NCKAP5: variants seen among roughly 807,000 people sequenced by gnomAD.
The protein encoded by NCKAP5 is nck-associated protein 5.
Under a neutral mutation model 167.0 loss-of-function variants are expected in NCKAP5, and 92 were observed. That is an observed-to-expected ratio of 0.55 (90% CI 0.47 to 0.66). NCKAP5 has a LOEUF of 0.66. NCKAP5 is among the 30% of genes least tolerant of loss of function. The pLI, the probability that NCKAP5 is intolerant of heterozygous loss-of-function variation, is 0.00. For synonymous variants in NCKAP5, 891 were observed against 877.4 expected (o/e 1.02, Z -0.27); for missense variants, 2,378 against 2,315.0 (o/e 1.03, Z -0.56).
chr2:133,548,539 A>T (rs1575140653), intron 2 of NCKAP5, among the ~76,000 whole-genome samples: 1 of 151,876 alleles, frequency 6.6e-6, no homozygotes, highest in Admixed American at 6.6e-5. Flanking sequence ...CTCGGCAGAA[A>T]CCCTACAAGC....
intron 3 of NCKAP5, among the ~76,000 whole-genome samples, chr2:133,449,305 C>A (rs1232203971): frequency 2.6e-5 from 4 of 152,150 alleles, no homozygotes; most frequent in Non-Finnish European, 5.9e-5. Flanking sequence ...GCCCCTAGTT[C>A]TTAGTCCTTT....
At chr2:133,070,213 T>C (rs1376174954) in intron 6 of NCKAP5, among the ~76,000 whole-genome samples, 1 of 152,068 alleles carries the variant, frequency 6.6e-6, no homozygotes, top group Non-Finnish European at 1.5e-5. Flanking sequence ...TAATGAAAAA[T>C]AGTATTAGAA....
the NCKAP5 span, among the ~76,000 whole-genome samples, chr2:133,654,709 A>G: frequency 6.6e-6 from 1 of 152,220 alleles, no homozygotes; most frequent in Admixed American, 6.5e-5. Context: ...GTTGGTACTT[A>G]ATAGTTTTTG....
At chr2:133,673,448 C>T in the NCKAP5 span, among the ~76,000 whole-genome samples, 5 of 152,312 alleles carry the variant, frequency 3.3e-5, 1 homozygote, top group South Asian at 1.0e-3. Context: ...TTCATAAACA[C>T]AGCCCACCAA....
intron 6 of NCKAP5, among the ~76,000 whole-genome samples, chr2:133,052,219 A>T (rs763273245): frequency 2.6e-5 from 4 of 152,212 alleles, no homozygotes; most frequent in African/African-American, 4.8e-5. Flanking sequence ...CCTCTGTGCC[A>T]TCTACAGTAG....
At chr2:133,418,858 T>C (rs1317785289) in intron 3 of NCKAP5, among the ~76,000 whole-genome samples, 7 of 152,130 alleles carry the variant, frequency 4.6e-5, no homozygotes, top group Admixed American at 4.6e-4. Context: ...TTCAACACAG[T>C]GATAAAGTGA....
At chr2:133,187,392 C>A (rs1193003409) in intron 5 of NCKAP5, among the ~76,000 whole-genome samples, 5 of 151,892 alleles carry the variant, frequency 3.3e-5, no homozygotes, top group Non-Finnish European at 7.4e-5. Flanking sequence ...CATTTATAAT[C>A]ACACAAAAAA....
chr2:133,542,479 C>A (rs1215569725), intron 2 of NCKAP5, among the ~76,000 whole-genome samples: 1 of 152,182 alleles, frequency 6.6e-6, no homozygotes, highest in African/African-American at 2.4e-5. Flanking sequence ...CTAATGTCCT[C>A]CACCACTACC....
At chr2:133,436,860 A>G (rs1690517729) in intron 3 of NCKAP5, among the ~76,000 whole-genome samples, 1 of 152,068 alleles carries the variant, frequency 6.6e-6, no homozygotes, top group Non-Finnish European at 1.5e-5. Context: ...CAGAGCATGT[A>G]TGGTTTATAC....
chr2:132,727,611 T>C (rs1342481337), intron 18 of NCKAP5, among the ~76,000 whole-genome samples: 1 of 152,204 alleles, frequency 6.6e-6, no homozygotes, highest in Non-Finnish European at 1.5e-5. Context: ...GCCCTAACAT[T>C]CTGTGTTTGA....
At chr2:133,514,790 C>G (rs1683840774) in intron 3 of NCKAP5, among the ~76,000 whole-genome samples, 1 of 152,082 alleles carries the variant, frequency 6.6e-6, no homozygotes, top group African/African-American at 2.4e-5. Context: ...AGATAAAGAA[C>G]TTAAGTGACA....
chr2:132,920,584 T>C (rs1365646793), intron 8 of NCKAP5, among the ~76,000 whole-genome samples: 1 of 148,044 alleles, frequency 6.8e-6, no homozygotes, highest in Non-Finnish European at 1.5e-5. Context: ...TGTGTTGACT[T>C]TCCATAGCAT....
At chr2:133,001,853 A>G (rs1167163979) in intron 6 of NCKAP5, among the ~76,000 whole-genome samples, 1 of 152,194 alleles carries the variant, frequency 6.6e-6, no homozygotes, top group Non-Finnish European at 1.5e-5. Context: ...GAAAATATTC[A>G]GGAAAAAAAA....
intron 11 of NCKAP5, among the ~76,000 whole-genome samples, chr2:132,830,698 T>C (rs965463536): frequency 2.0e-5 from 3 of 152,190 alleles, no homozygotes; most frequent in Admixed American, 6.5e-5. Context: ...AAGGGTCCCT[T>C]CTGACCGATC....
the NCKAP5 span, among the ~76,000 whole-genome samples, chr2:133,630,246 G>A: frequency 9.9e-5 from 15 of 152,172 alleles, no homozygotes; most frequent in African/African-American, 1.4e-4. Flanking sequence ...TGAAAGTCCC[G>A]AATAAGGAAA....
At chr2:132,738,181 A>G (rs962657502) in intron 16 of NCKAP5, among the ~76,000 whole-genome samples, 1 of 152,220 alleles carries the variant, frequency 6.6e-6, no homozygotes, top group Non-Finnish European at 1.5e-5. Context: ...ATTAATTTAG[A>G]TGGCCACAGA....
intron 3 of NCKAP5, among the ~76,000 whole-genome samples, chr2:133,437,870 T>C (rs1017830572): frequency 2.0e-5 from 3 of 152,364 alleles, no homozygotes; most frequent in Middle Eastern, 3.4e-3. Flanking sequence ...GAGTTTAGCA[T>C]GGTGCCTGTC....
chr2:133,283,907 G>A (rs901757816), intron 4 of NCKAP5, among the ~76,000 whole-genome samples: 3 of 152,026 alleles, frequency 2.0e-5, no homozygotes, highest in Admixed American at 1.3e-4. Context: ...CACCGTGCCC[G>A]GCCTTGAAAA....
At chr2:133,446,633 T>A (rs1691210880) in intron 3 of NCKAP5, among the ~76,000 whole-genome samples, 1 of 152,192 alleles carries the variant, frequency 6.6e-6, no homozygotes, top group Non-Finnish European at 1.5e-5. Context: ...CGCTCTATCA[T>A]GAGCCTCGTC....
Sources: gnomAD v4.1 joint callset for allele counts (sites outside exome capture counted in the v4.1 genomes callset) on GRCh38, gnomAD v4.1.1 for gene constraint, MANE v1.5 for transcripts, NCBI Gene and HGNC (gene_info 2026-07-23, HGNC 2026-07-21) for gene names.